The following ATP5PB variants were observed in gnomAD, a reference collection of about 807,000 sequenced individuals.
ATP5PB encodes the protein ATP synthase peripheral stalk-membrane subunit b, also known as ATP synthase peripheral stalk subunit b, mitochondrial.
Under a neutral mutation model 34.5 loss-of-function variants are expected in ATP5PB, and 21 were observed. The ratio of observed to expected loss-of-function variants is 0.61; its 90% CI spans 0.43 to 0.88. The LOEUF (loss-of-function observed/expected upper bound fraction) is 0.88. Among genes scored for constraint, ATP5PB ranks in the 40% least tolerant of loss-of-function variants. The pLI is 0.00. For synonymous variants in ATP5PB, 108 were observed against 114.1 expected, an observed-to-expected ratio of 0.95 and a Z score of 0.34; for missense variants, 293 against 317.4, an observed-to-expected ratio of 0.92 and a Z score of 0.58.
chr1:111,451,657 T>G (rs1335143329), intron 2 of ATP5PB, among the ~76,000 whole-genome samples: 1 of 152,198 alleles, frequency 6.6e-6, no homozygotes, highest in Non-Finnish European at 1.5e-5. Context: ...TGGTAGTCAT[T>G]GCTCCTGATT....
intron 4 of ATP5PB, 46 bp from the exon 5 acceptor site, chr1:111,456,584 C>T (rs753683954): frequency 1.3e-6 from 2 of 1,581,654 alleles, no homozygotes; most frequent in East Asian, 2.3e-5. Context: ...CCTTTTTTTA[C>T]CCTTTGTGCT....
At position 111,461,962 on chromosome 1, in the gene ATP5PB, G is replaced by A. The variant is rs1398222571; in HGVS notation, c.*968G>A. On this transcript the variant is annotated 3_prime_UTR_variant, in exon 7 of 7. Transcript: ENST00000369722. ...GGAACATAGAAAATAACAAGTGTTG[G>A]CAAGGAAGTGGAGAAGTTGGAACAC... The A allele has an allele frequency of 2.0e-5, 3 of 151,844 alleles. No homozygotes were observed. Among genetic ancestry groups the A allele is most frequent in the Admixed American group, 1.3e-4 (2 of 15,250 alleles). The allele number at this position is 151,844 out of a possible 1,614,324, so 9.4% of individuals were successfully genotyped here.
chr1:111,449,945 C>G, intron 2 of ATP5PB, 72 bp downstream of exon 2: 1 of 1,590,020 alleles, frequency 6.3e-7, no homozygotes, highest in Non-Finnish European at 8.6e-7. Flanking sequence ...CTGCCCCCAC[C>G]CCCTTAGCTT....
intron 4 of ATP5PB, 75 bp from the exon 5 acceptor site, chr1:111,456,555 A>G (rs2101758430): frequency 6.5e-7 from 1 of 1,533,464 alleles, no homozygotes. Flanking sequence ...ACAACTTTGA[A>G]GAAGCATGAA....
At chr1:111,453,168 A>G (rs1016269700) in intron 2 of ATP5PB, among the ~76,000 whole-genome samples, 1 of 152,204 alleles carries the variant, frequency 6.6e-6, no homozygotes, top group Non-Finnish European at 1.5e-5. Context: ...CAGCAGATAT[A>G]AAGGGACTAG....
chr1:111,449,944 C>T, intron 2 of ATP5PB, 71 bp downstream of exon 2: 2 of 1,591,206 alleles, frequency 1.3e-6, no homozygotes, highest in Non-Finnish European at 1.7e-6. Context: ...CCTGCCCCCA[C>T]CCCCTTAGCT....
In ATP5PB at chr1:111,459,490, C is replaced by A; in HGVS notation, c.547C>A (p.Arg183=). The change falls in exon 6 of 7, where the codon CGG becomes AGG. Residue 183 remains arginine (R), a synonymous_variant. Transcript: ENST00000369722. The part of the protein sequence containing the change: ...NIAMALEVTY[R]ERLYRVYKEV... ...TGCTATGGCTTTGGAAGTTACTTACCGGGAACGACTGTATAGAGTATATAA... is the reference window on the plus strand; with the variant it reads ...TGCTATGGCTTTGGAAGTTACTTACAGGGAACGACTGTATAGAGTATATAA... The A allele has an allele frequency of 6.2e-7, 1 of 1,609,604 alleles. No homozygotes were observed. The highest frequency in any genetic ancestry group is 8.5e-7 in the Non-Finnish European group (1 of 1,177,514).
chr1:111,453,994 A>G (rs548276965), intron 2 of ATP5PB, among the ~76,000 whole-genome samples: 6 of 152,328 alleles, frequency 3.9e-5, no homozygotes, highest in South Asian at 2.1e-4. Context: ...GGATTCCAGT[A>G]TTGGGTAGAA....
intron 3 of ATP5PB, among the ~76,000 whole-genome samples, chr1:111,454,634 G>A (rs1251303329): frequency 6.6e-6 from 1 of 152,040 alleles, no homozygotes; most frequent in Non-Finnish European, 1.5e-5. Flanking sequence ...GTAGAGACGG[G>A]CTTTCACCAT....
chr1:111,452,611 T>C (rs568563395), intron 2 of ATP5PB, among the ~76,000 whole-genome samples: 111 of 152,296 alleles, frequency 7.3e-4, no homozygotes, highest in African/African-American at 2.6e-3. Flanking sequence ...AGGTTTTGTA[T>C]TGTTAAACTA....
chr1:111,460,402 C>T (rs1248459496), intron 6 of ATP5PB, among the ~76,000 whole-genome samples: 1 of 147,540 alleles, frequency 6.8e-6, no homozygotes. Context: ...TTCAGCATAA[C>T]CTATACAGGA....
intron 6 of ATP5PB, 44 bp from the exon 7 acceptor site, chr1:111,460,873 A>T: frequency 1.9e-6 from 3 of 1,567,124 alleles, no homozygotes; most frequent in Non-Finnish European, 8.8e-7. Context: ...ATACTTTTCT[A>T]TGTTTTGGAA....
At chr1:111,450,556 T>TC (rs1452670562) in intron 2 of ATP5PB, among the ~76,000 whole-genome samples, 1 of 151,252 alleles carries the variant, frequency 6.6e-6, no homozygotes, top group East Asian at 1.9e-4. Flanking sequence ...TTTTGAGAAT[T>TC]AAGAGACAAT....
intron 1 of ATP5PB, 33 bp from the exon 2 acceptor site, chr1:111,449,804 G>T (rs781494077): frequency 1.2e-6 from 2 of 1,613,980 alleles, no homozygotes; most frequent in African/African-American, 2.7e-5. Context: ...GATTTCATTT[G>T]ACTTTGCTGA....
intron 2 of ATP5PB, among the ~76,000 whole-genome samples, chr1:111,453,855 G>A (rs1334336052): frequency 7.2e-5 from 11 of 152,306 alleles, no homozygotes; most frequent in African/African-American, 2.6e-4. Context: ...TTTACTCAAA[G>A]TCAAGGAGCA....
rs180727365 is a variant in ATP5PB at position 111,460,247 on chromosome 1, C to T, written c.693+611C>T. ...CATGACATTCCATTTCTTCTTTTCA[C>T]CTGCATAACTTGTCTGTTTTGAACG... On this transcript the variant is annotated intron_variant, in intron 6 of 6. Transcript: ENST00000369722. Among the ~76,000 whole-genome samples the T allele has an allele frequency of 1.2e-3, 181 of 152,258 alleles. 1 individual carries two copies. The highest frequency in any genetic ancestry group is 4.1e-3 in the African/African-American group (169 of 41,538).
At chr1:111,460,533 A>C (rs2101761605) in intron 6 of ATP5PB, among the ~76,000 whole-genome samples, 1 of 152,132 alleles carries the variant, frequency 6.6e-6, no homozygotes, top group Admixed American at 6.5e-5. Flanking sequence ...AAAGAGATTA[A>C]AAATTATTTT....
rs917983576 is a variant in ATP5PB at position 111,454,369 on chromosome 1, G to A, written c.223+13G>A. ...ACTGGTGTAACAGGTGAGCATTTTT[G>A]CCTAGTCTCTGGTAATATGTTTTGA... is the stretch of plus-strand genomic sequence containing the variant. On this transcript the variant is annotated intron_variant, in intron 3 of 6. Transcript: ENST00000369722. 1 of 1,585,442 alleles carries A rather than the reference G, an allele frequency of 6.3e-7. No homozygotes were observed. The highest frequency in any genetic ancestry group is 8.6e-7 in the Non-Finnish European group (1 of 1,168,618).
At position 111,460,902 on chromosome 1, in the gene ATP5PB, C is replaced by T; in HGVS notation, c.694-15C>T. The T allele has an allele frequency of 6.2e-7, 1 of 1,612,724 alleles. No homozygotes were observed. The highest frequency in any genetic ancestry group is 1.1e-5 in the South Asian group (1 of 91,014). ...TTTGGAAAGGTCTAACCAGATTTCT[C>T]TTTCCTTATCACAGGAAAAGGAGAC... On this transcript the variant is annotated splice_polypyrimidine_tract_variant and intron_variant, in intron 6 of 6. Transcript: ENST00000369722.
Sources: allele counts gnomAD v4.1 joint callset (sites outside exome capture counted in the v4.1 genomes callset), GRCh38; gene constraint gnomAD v4.1.1; transcripts MANE v1.5; gene names NCBI Gene and HGNC (gene_info 2026-07-23, HGNC 2026-07-21).